The following SGCD variants were observed in gnomAD, a reference collection of about 807,000 sequenced individuals.
The protein encoded by SGCD is delta-sarcoglycan.
SGCD carries 18 observed loss-of-function variants against 36.6 expected under a neutral mutation model. The observed-to-expected ratio is 0.49, with a 90% CI of 0.34 to 0.73. The LOEUF (loss-of-function observed/expected upper bound fraction) is 0.73, where lower values mean the gene tolerates loss of function less well. SGCD is among the 30% of genes least tolerant of loss of function. The probability of loss-of-function intolerance (pLI) is 0.01; values close to 1 mark genes in which losing one functional copy is unlikely to be tolerated. For synonymous variants in SGCD, 133 were observed against 130.6 expected (o/e 1.02, Z -0.12); for missense variants, 387 against 346.7 (o/e 1.12, Z -0.92).
chr5:156,677,372 G>A (rs1753554407), intron 7 of SGCD, among the ~76,000 whole-genome samples: 1 of 152,170 alleles, frequency 6.6e-6, no homozygotes, highest in Admixed American at 6.5e-5. Flanking sequence ...GCAGGGACAT[G>A]GATGCAGCTG....
intron 1 of SGCD, among the ~76,000 whole-genome samples, chr5:156,002,740 T>A (rs928939770): frequency 6.6e-6 from 1 of 152,224 alleles, no homozygotes; most frequent in African/African-American, 2.4e-5. Flanking sequence ...CAGACTCTGA[T>A]TCGATGGGTC....
At chr5:156,378,540 A>G (rs1770800251) in intron 3 of SGCD, among the ~76,000 whole-genome samples, 1 of 152,142 alleles carries the variant, frequency 6.6e-6, no homozygotes. Flanking sequence ...TGTGTCTAGC[A>G]TTTTATAATT....
intron 3 of SGCD, among the ~76,000 whole-genome samples, chr5:156,406,018 T>TAAAAAAAAAAAAAAAAAAAAAAAAAAAAA (rs10529406): frequency 6.7e-5 from 7 of 103,972 alleles, no homozygotes; most frequent in African/African-American, 1.2e-4. Context: ...TATCTTTGCT[T>TAAAAAAAAAAAAAAAAAAAAAAAAAAAAA]AAAAAAAAAA....
chr5:155,784,726 G>A, the SGCD span, among the ~76,000 whole-genome samples: 2 of 148,964 alleles, frequency 1.3e-5, no homozygotes, highest in Non-Finnish European at 3.0e-5. Flanking sequence ...TGTTAAAAGT[G>A]TTTCAAAAGT....
At chr5:156,716,308 T>C (rs755985941) in intron 7 of SGCD, among the ~76,000 whole-genome samples, 2 of 152,206 alleles carry the variant, frequency 1.3e-5, no homozygotes, top group Non-Finnish European at 2.9e-5. Context: ...TGCCACTGTC[T>C]TATTATCCCA....
intron 1 of SGCD, among the ~76,000 whole-genome samples, chr5:155,993,372 G>C (rs1581031809): frequency 9.3e-6 from 1 of 107,258 alleles, no homozygotes; most frequent in Non-Finnish European, 1.8e-5. Context: ...ACAGAGCCTT[G>C]CTCTGACACC....
chr5:156,035,296 A>G (rs1047241386), intron 1 of SGCD, among the ~76,000 whole-genome samples: 1 of 152,186 alleles, frequency 6.6e-6, no homozygotes, highest in African/African-American at 2.4e-5. Flanking sequence ...TGGTTAAAAC[A>G]GTAATTTTGT....
chr5:155,886,914 C>T (rs1455264191), intron 1 of SGCD, among the ~76,000 whole-genome samples: 1 of 152,182 alleles, frequency 6.6e-6, no homozygotes, highest in African/African-American at 2.4e-5. Context: ...ATTGGGCATG[C>T]CAGCTGCAGA....
At chr5:156,626,327 G>A (rs540663675) in intron 6 of SGCD, among the ~76,000 whole-genome samples, 1 of 152,298 alleles carries the variant, frequency 6.6e-6, no homozygotes, top group South Asian at 2.1e-4. Context: ...TTCTCCCTCT[G>A]TAGTGCCCGG....
intron 1 of SGCD, among the ~76,000 whole-genome samples, chr5:156,054,366 A>G (rs1347026089): frequency 5.7e-5 from 8 of 140,412 alleles, no homozygotes; most frequent in Non-Finnish European, 1.3e-4. Flanking sequence ...GCTCACGGCA[A>G]GCTCCGCCTC....
chr5:156,381,915 G>C (rs77681614), intron 3 of SGCD, among the ~76,000 whole-genome samples: 2,090 of 152,112 alleles, frequency 0.014, 22 homozygotes, highest in Non-Finnish European at 0.023. Context: ...TCCTCCTATG[G>C]GTGTTAGATT....
At chr5:155,761,603 C>CCTCTCCATCATCCTCATCATCACT in the SGCD span, among the ~76,000 whole-genome samples, 1 of 148,862 alleles carries the variant, frequency 6.7e-6, no homozygotes, top group Admixed American at 6.7e-5. Context: ...TCTCCATCAC[C>CCTCTCCATCATCCTCATCATCACT]CTCTCCATCA....
intron 1 of SGCD, among the ~76,000 whole-genome samples, chr5:156,083,117 CT>C (rs550580528): frequency 6.6e-6 from 1 of 151,510 alleles, no homozygotes; most frequent in Admixed American, 6.6e-5. Context: ...ATTGAATTGT[CT>C]TTTTTTTAAA....
chr5:156,605,064 T>A (rs942533576), intron 6 of SGCD, among the ~76,000 whole-genome samples: 1 of 152,076 alleles, frequency 6.6e-6, no homozygotes, highest in Non-Finnish European at 1.5e-5. Flanking sequence ...TGTTTTATTA[T>A]TATACTTTAA....
intron 7 of SGCD, among the ~76,000 whole-genome samples, chr5:156,698,662 A>G (rs1420990122): frequency 2.0e-5 from 3 of 152,110 alleles, no homozygotes; most frequent in African/African-American, 7.2e-5. Flanking sequence ...TGCTTCAGAG[A>G]AGCAGAGTCT....
At chr5:156,704,982 A>G (rs1354033170) in intron 7 of SGCD, among the ~76,000 whole-genome samples, 9 of 152,066 alleles carry the variant, frequency 5.9e-5, no homozygotes, top group African/African-American at 2.2e-4. Flanking sequence ...ACATCAACCC[A>G]AATAACCAAA....
At chr5:156,692,398 A>T (rs973777587) in intron 7 of SGCD, among the ~76,000 whole-genome samples, 3 of 152,216 alleles carry the variant, frequency 2.0e-5, no homozygotes, top group Non-Finnish European at 4.4e-5. Context: ...CATCAGCAGC[A>T]TGATGGAGTG....
chr5:156,233,578 G>C (rs1488476128), intron 3 of SGCD, among the ~76,000 whole-genome samples: 4 of 152,152 alleles, frequency 2.6e-5, no homozygotes, highest in Non-Finnish European at 4.4e-5. Context: ...GAATCTGAGG[G>C]GGATGGGAGT....
At chr5:156,480,185 A>G (rs1475666592) in intron 3 of SGCD, among the ~76,000 whole-genome samples, 1 of 152,240 alleles carries the variant, frequency 6.6e-6, no homozygotes, top group African/African-American at 2.4e-5. Flanking sequence ...GAGTATGTTC[A>G]ACTCTACCTA....
Sources: allele counts gnomAD v4.1 joint callset (sites outside exome capture counted in the v4.1 genomes callset), GRCh38; gene constraint gnomAD v4.1.1; transcripts MANE v1.5; gene names NCBI Gene and HGNC (gene_info 2026-07-23, HGNC 2026-07-21).